The following AGBL1 variants were observed in gnomAD, a reference collection of about 807,000 sequenced individuals.
AGBL1 encodes the protein cytosolic carboxypeptidase 4.
In AGBL1, 130 loss-of-function variants were observed where a neutral mutation model predicts 118.9. The ratio of observed to expected loss-of-function variants is 1.09; its 90% CI spans 0.95 to 1.26. The LOEUF (loss-of-function observed/expected upper bound fraction) is 1.26, where lower values mean the gene tolerates loss of function less well. Ranked by LOEUF, AGBL1 falls within the 50% of genes most tolerant of loss-of-function variation. The pLI is 0.00. For missense variants in AGBL1, 1,584 were observed against 1,298.1 expected, an observed-to-expected ratio of 1.22 and a Z score of -3.38; for synonymous variants, 555 against 478.9, an observed-to-expected ratio of 1.16 and a Z score of -2.08.
intron 9 of AGBL1, among the ~76,000 whole-genome samples, chr15:86,261,638 A>G (rs995171090): frequency 1.3e-5 from 2 of 152,052 alleles, no homozygotes; most frequent in Non-Finnish European, 2.9e-5. Flanking sequence ...TATTTCATTA[A>G]GGAAACTTAA....
intron 17 of AGBL1, among the ~76,000 whole-genome samples, chr15:86,352,902 T>C (rs1231280264): frequency 2.0e-5 from 3 of 152,224 alleles, no homozygotes; most frequent in Non-Finnish European, 2.9e-5. Context: ...ACCTCTTAAG[T>C]TGGAAAGTAG....
chr15:86,364,956 C>CAT (rs776121691), intron 17 of AGBL1, among the ~76,000 whole-genome samples: 50 of 89,468 alleles, frequency 5.6e-4, no homozygotes, highest in African/African-American at 2.3e-3. Context: ...TTATATGTCA[C>CAT]ACATATATAT....
intron 1 of AGBL1, among the ~76,000 whole-genome samples, chr15:86,095,637 C>T (rs910643339): frequency 2.8e-5 from 4 of 141,340 alleles, no homozygotes; most frequent in African/African-American, 1.0e-4. Context: ...TGTCACATGA[C>T]CTTGGATACC....
At chr15:86,961,495 AC>A (rs1374716615) in intron 23 of AGBL1, among the ~76,000 whole-genome samples, 21 of 152,076 alleles carry the variant, frequency 1.4e-4, no homozygotes, top group African/African-American at 4.8e-4. Flanking sequence ...AGCAAACGAG[AC>A]CTGGGGCTTC....
intron 24 of AGBL1, among the ~76,000 whole-genome samples, chr15:87,008,963 C>A (rs2081531406): frequency 6.6e-6 from 1 of 152,038 alleles, no homozygotes; most frequent in Non-Finnish European, 1.5e-5. Flanking sequence ...GGAAACAGAG[C>A]ATAAAAGTTT....
intron 17 of AGBL1, 73 bp downstream of exon 17, chr15:86,295,481 C>A: frequency 7.0e-7 from 1 of 1,438,394 alleles, no homozygotes; most frequent in South Asian, 1.5e-5. Context: ...AGCATTCTGT[C>A]TCTTTTAGAT....
chr15:86,467,330 G>T (rs1250488098), intron 18 of AGBL1, among the ~76,000 whole-genome samples: 1 of 152,192 alleles, frequency 6.6e-6, no homozygotes, highest in Non-Finnish European at 1.5e-5. Flanking sequence ...CCCCCACCAA[G>T]CTTGATCATC....
chr15:86,574,048 C>CA (rs111992452), intron 21 of AGBL1, among the ~76,000 whole-genome samples: 5,996 of 150,700 alleles, frequency 0.04, 233 homozygotes, highest in African/African-American at 0.098. Context: ...AACAAACAAA[C>CA]AAAAAAAAAC....
At chr15:86,650,597 C>G (rs992371576) in intron 21 of AGBL1, among the ~76,000 whole-genome samples, 2 of 151,814 alleles carry the variant, frequency 1.3e-5, no homozygotes, top group Non-Finnish European at 2.9e-5. Flanking sequence ...ACATGAGACT[C>G]TCTGAAAATA....
intron 5 of AGBL1, among the ~76,000 whole-genome samples, chr15:86,185,236 C>A (rs2077612243): frequency 6.6e-6 from 1 of 152,128 alleles, no homozygotes; most frequent in Non-Finnish European, 1.5e-5. Flanking sequence ...GAATGGCGAT[C>A]ATTAAAAAGT....
At position 86,554,167 on chromosome 15, in the gene AGBL1, A is replaced by G. The variant is rs144506616; in HGVS notation, c.2818-194A>G. On this transcript the variant is annotated intron_variant, in intron 20 of 22. Transcript: ENST00000614907. ...GAGCCACCGCTCCTGGCCTATTTCTACCTTTTCTAAGCCTGTTTCCTCATC... is the reference window on the plus strand; with the variant it reads ...GAGCCACCGCTCCTGGCCTATTTCTGCCTTTTCTAAGCCTGTTTCCTCATC... 3.3e-3 allele frequency among the ~76,000 whole-genome samples: 508 copies of G among 152,144 alleles called. 6 individuals are homozygous for G. The highest frequency in any genetic ancestry group is 9.7e-3 in the African/African-American group (401 of 41,514).
chr15:86,397,584 T>C (rs2081387623), intron 18 of AGBL1, 38 bp downstream of exon 18: 1 of 1,561,652 alleles, frequency 6.4e-7, no homozygotes, highest in African/African-American at 1.3e-5. Flanking sequence ...CCCACAATTA[T>C]GCTACCACAG....
intron 16 of AGBL1, among the ~76,000 whole-genome samples, chr15:86,287,715 G>C (rs544783837): frequency 1.3e-5 from 2 of 152,104 alleles, no homozygotes; most frequent in African/African-American, 4.8e-5. Context: ...GGACCCATGT[G>C]GTCATAATAA....
chr15:86,270,584 G>T (rs1245257321), intron 14 of AGBL1, among the ~76,000 whole-genome samples: 1 of 152,164 alleles, frequency 6.6e-6, no homozygotes, highest in African/African-American at 2.4e-5. Context: ...TGGAAATTCT[G>T]CATACAACTG....
intron 17 of AGBL1, among the ~76,000 whole-genome samples, chr15:86,369,033 A>G (rs2080931693): frequency 6.6e-6 from 1 of 152,194 alleles, no homozygotes; most frequent in Non-Finnish European, 1.5e-5. Context: ...AAAAGAATGA[A>G]GTTAAAAGTG....
chr15:86,820,731 G>A (rs1009036329), intron 22 of AGBL1, among the ~76,000 whole-genome samples: 4 of 152,160 alleles, frequency 2.6e-5, no homozygotes, highest in Admixed American at 6.5e-5. Flanking sequence ...ACACTGTGGT[G>A]GGAGTGTAAA....
intron 1 of AGBL1, among the ~76,000 whole-genome samples, chr15:86,121,113 G>T (rs573754091): frequency 3.3e-5 from 5 of 152,166 alleles, no homozygotes; most frequent in South Asian, 2.1e-4. Flanking sequence ...GGCCAGGCTG[G>T]TCTCGAACTC....
chr15:86,878,951 G>C (rs1273514883), intron 22 of AGBL1, among the ~76,000 whole-genome samples: 3 of 152,222 alleles, frequency 2.0e-5, no homozygotes, highest in Admixed American at 6.5e-5. Flanking sequence ...CCTGAAGAGA[G>C]AGCTGCTGTT....
chr15:86,538,372 G>T (rs775443930), intron 19 of AGBL1, among the ~76,000 whole-genome samples: 4 of 152,218 alleles, frequency 2.6e-5, no homozygotes, highest in Non-Finnish European at 4.4e-5. Flanking sequence ...GGATGTTGCT[G>T]ATGACTCAGA....
Sources: gnomAD v4.1 joint callset for allele counts (sites outside exome capture counted in the v4.1 genomes callset) on GRCh38, gnomAD v4.1.1 for gene constraint, MANE v1.5 for transcripts, NCBI Gene and HGNC (gene_info 2026-07-23, HGNC 2026-07-21) for gene names.